The following ADRA1A variants were observed in gnomAD, a reference collection of about 807,000 sequenced individuals.
ADRA1A encodes adrenoceptor alpha 1A.
Under a neutral mutation model 29.6 loss-of-function variants are expected in ADRA1A, and 31 were observed. That is an observed-to-expected ratio of 1.05 (90% CI 0.79 to 1.41). The LOEUF (loss-of-function observed/expected upper bound fraction) is 1.41, where lower values mean the gene tolerates loss of function less well. Among genes scored for constraint, ADRA1A ranks in the 40% most tolerant of loss-of-function variants. ADRA1A has a pLI of 0.00. For missense variants in ADRA1A, 619 were observed against 601.1 expected (o/e 1.03, Z -0.31); for synonymous variants, 311 against 254.3 (o/e 1.22, Z -2.12).
At chr8:26,784,478 G>C (rs1238162996) in intron 2 of ADRA1A, among the ~76,000 whole-genome samples, 2 of 152,116 alleles carry the variant, frequency 1.3e-5, no homozygotes, top group Non-Finnish European at 2.9e-5. Flanking sequence ...TCCCCAGGTG[G>C]GTGTGGAAGC....
chr8:26,749,442 A>T (rs1251424985), intron 2 of ADRA1A, among the ~76,000 whole-genome samples: 1 of 151,694 alleles, frequency 6.6e-6, no homozygotes, highest in African/African-American at 2.4e-5. Flanking sequence ...TTCATAGAGT[A>T]AGCCTTATGT....
chr8:26,790,275 C>A (rs1490563688), intron 2 of ADRA1A, among the ~76,000 whole-genome samples: 3 of 152,106 alleles, frequency 2.0e-5, no homozygotes, highest in Non-Finnish European at 2.9e-5. Context: ...CTACTCAGCC[C>A]TAAAAAAGAA....
rs756487113 is a variant in ADRA1A at position 26,864,445 on chromosome 8, G to C, written c.525C>G (p.Ile175Met). The change falls in exon 2 of 3, where the codon ATC becomes ATG. Residue 175 changes from isoleucine (I) to methionine (M), a missense_variant. By Grantham distance (10) the Ile-to-Met change is conservative. Coordinates refer to ENST00000380573, the MANE Select transcript of ADRA1A (RefSeq NM_000680.4). This position sits in a 1 kb window ranked among gnomAD's most constrained non-coding sequence, Gnocchi z 8.1. ...AGCCCGGCTCCTCGTTGATCTGGCA[G>C]ATGGTCTCGTCCTCGGGGGCCGGCT... ...WRQPAPEDET[I>M]CQINEEPGYV... The C allele has an allele frequency of 6.2e-6, 10 of 1,613,556 alleles. No individual in the cohort carries two copies. The highest frequency in any genetic ancestry group is 1.7e-6 in the Non-Finnish European group (2 of 1,180,040).
intron 2 of ADRA1A, among the ~76,000 whole-genome samples, chr8:26,785,364 T>C (rs1807297016): frequency 6.6e-6 from 1 of 152,148 alleles, no homozygotes; most frequent in Admixed American, 6.6e-5. Flanking sequence ...AATCACCTCA[T>C]ATAAACACTT....
intron 2 of ADRA1A, among the ~76,000 whole-genome samples, chr8:26,788,112 T>G (rs542456389): frequency 6.6e-6 from 1 of 152,234 alleles, no homozygotes; most frequent in African/African-American, 2.4e-5. Flanking sequence ...AAAGACATAT[T>G]CACAGAGAAA....
chr8:26,771,833 T>C (rs973843979), intron 2 of ADRA1A: 3 of 153,096 alleles, frequency 2.0e-5, no homozygotes, highest in African/African-American at 7.2e-5. Flanking sequence ...TCAGCCCTCA[T>C]TCTGTATAAC....
intron 2 of ADRA1A, chr8:26,779,127 C>A: frequency 1.9e-6 from 1 of 534,506 alleles, no homozygotes; most frequent in Non-Finnish European, 3.3e-6. Context: ...TTGTCTCATC[C>A]TCCAGAGCAC....
intron 2 of ADRA1A, chr8:26,859,312 C>T (rs1287344572): frequency 2.9e-6 from 2 of 681,560 alleles, no homozygotes; most frequent in African/African-American, 3.8e-5. Flanking sequence ...CGTTGACGAC[C>T]CAGCAGAAGT....
intron 2 of ADRA1A, among the ~76,000 whole-genome samples, chr8:26,782,852 C>T (rs1031786420): frequency 7.9e-5 from 12 of 152,184 alleles, no homozygotes; most frequent in African/African-American, 2.9e-4. Context: ...CTCACAAAAC[C>T]GACTCTTGCT....
exon 3 of ADRA1A, chr8:26,756,693 A>G: frequency 1.9e-6 from 3 of 1,613,760 alleles, no homozygotes; most frequent in Non-Finnish European, 2.5e-6. Flanking sequence ...TCGCAGGACC[A>G]GTGGTGGGTT....
In ADRA1A at chr8:26,770,259, G is replaced by A. The variant is rs1048102; in HGVS notation, c.1291C>T (p.Gln431Ter). The change falls in exon 3 of 3, where the codon CAG becomes TAG. Residue 431 changes from glutamine (Q) to a stop codon, truncating the protein, a stop_gained. Transcript: ENST00000380573. LOFTEE classifies it high-confidence loss of function. Reference protein sequence around the residue: ...TARVRSKSFLQVCCCVGPSTP... With the variant: ...TARVRSKSFL ...GAGGGCCCTACACAGCAGCAGACCT[G>A]CAAAAAGCTTTTACTTCTCACCCGG... 1.5e-5 allele frequency: 24 copies of A among 1,613,910 alleles called. No individual in the cohort carries two copies. Among genetic ancestry groups the A allele is most frequent in the Non-Finnish European group, 2.0e-5 (24 of 1,179,924 alleles).
intron 2 of ADRA1A, among the ~76,000 whole-genome samples, chr8:26,819,236 A>C (rs996679066): frequency 6.6e-6 from 1 of 152,198 alleles, no homozygotes. Context: ...AGAGAGAAAG[A>C]CTTTCCCAGA....
In ADRA1A at chr8:26,841,570, C is replaced by G. The variant is rs966478748; in HGVS notation, c.883+22517G>C. ...GATGGCGACAGCACAATCTTTCATC[C>G]CTTTGCTTTGTCCTCTCAGGTCCTG... On this transcript the variant is annotated intron_variant, in intron 2 of 2. Coordinates refer to ENST00000380573, the MANE Select transcript of ADRA1A (RefSeq NM_000680.4). This position sits in a 1 kb window ranked among gnomAD's most constrained non-coding sequence, Gnocchi z 4.4. Among the ~76,000 whole-genome samples, 2 of 152,158 alleles carry G rather than the reference C, an allele frequency of 1.3e-5. No homozygotes were observed. The highest frequency in any genetic ancestry group is 2.4e-5 in the African/African-American group (1 of 41,430).
Position 26,825,526 on chromosome 8 carries a change from C to T in ADRA1A, c.883+38561G>A, listed in dbSNP as rs1810495930. 6.6e-6 allele frequency among the ~76,000 whole-genome samples: 1 copy of T among 152,206 alleles called. No individual in the cohort carries two copies. The highest frequency in any genetic ancestry group is 2.4e-5 in the African/African-American group (1 of 41,440). On this transcript the variant is annotated intron_variant, in intron 2 of 2. Transcript: ENST00000380573. The surrounding 1 kb of genome is among the most constrained non-coding windows in gnomAD (Gnocchi z 5.7). ...TCCCCTAAAGGCCATATTACCCCAA[C>T]TTCTAGTTGTCAGCTATCCTTGTCA...
intron 2 of ADRA1A, among the ~76,000 whole-genome samples, chr8:26,850,655 C>T (rs574794548): frequency 1.3e-4 from 20 of 152,210 alleles, no homozygotes; most frequent in Non-Finnish European, 2.6e-4. Context: ...GCCACCACGC[C>T]TAATTTTTGT....
Position 26,864,717 on chromosome 8 carries a change from T to C in ADRA1A, c.253A>G (p.Ile85Val). The change falls in exon 2 of 3, where the codon ATC (isoleucine) becomes GTC (valine). Residue 85 changes from isoleucine to valine, a missense_variant. Coordinates refer to ENST00000380573, the MANE Select transcript of ADRA1A (RefSeq NM_000680.4). The surrounding 1 kb of genome is among the most constrained non-coding windows in gnomAD (Gnocchi z 8.1). ...LTSTVLPFSA[I>V]FEVLGYWAFG... ...GCCCAGTAGCCTAGGACCTCGAAGATGGCGGAGAAGGGCAGCACCGTGGAG... is the reference window on the plus strand; with the variant it reads ...GCCCAGTAGCCTAGGACCTCGAAGACGGCGGAGAAGGGCAGCACCGTGGAG... 1 of 1,614,074 alleles carries C rather than the reference T, an allele frequency of 6.2e-7. No individual in the cohort carries two copies.
At position 26,787,565 on chromosome 8, in the gene ADRA1A, G is replaced by A. The variant is rs895882506; in HGVS notation, c.884-16899C>T. ...AATAAAAGGAGAACTGTCATCTGTA[G>A]TTCTTGGATATGGAGAGAAGGGAAA... On this transcript the variant is annotated intron_variant, in intron 2 of 2. Transcript: ENST00000380573. The surrounding 1 kb of genome is among the most constrained non-coding windows in gnomAD (Gnocchi z 4.2). Among the ~76,000 whole-genome samples, 2 of 151,988 alleles carry A rather than the reference G, an allele frequency of 1.3e-5. No individual in the cohort carries two copies. The highest frequency in any genetic ancestry group is 2.9e-5 in the Non-Finnish European group (2 of 67,998).
chr8:26,794,782 A>T (rs527635680), intron 2 of ADRA1A, among the ~76,000 whole-genome samples: 1 of 152,234 alleles, frequency 6.6e-6, no homozygotes, highest in South Asian at 2.1e-4. Context: ...GGGAATTAAG[A>T]ACAAAAGTGT....
At chr8:26,827,457 A>G (rs1280516963) in intron 2 of ADRA1A, among the ~76,000 whole-genome samples, 2 of 152,166 alleles carry the variant, frequency 1.3e-5, no homozygotes, top group African/African-American at 2.4e-5. Context: ...AAACAGAAAC[A>G]TATTTCTGAT....
Sources: allele counts gnomAD v4.1 joint callset (sites outside exome capture counted in the v4.1 genomes callset), GRCh38; gene constraint gnomAD v4.1.1; non-coding constraint Gnocchi (gnomAD v3.1); transcripts MANE v1.5; gene names NCBI Gene and HGNC (gene_info 2026-07-23, HGNC 2026-07-21).